The following ABCC10 variants were observed in gnomAD, a reference collection of about 807,000 sequenced individuals.
ABCC10 encodes ATP binding cassette subfamily C member 10, also known as ATP-binding cassette sub-family C member 10.
A neutral mutation model predicts 143.2 loss-of-function variants in ABCC10; 110 were observed. The ratio of observed to expected loss-of-function variants is 0.77; its 90% CI spans 0.66 to 0.90. The LOEUF (loss-of-function observed/expected upper bound fraction) is 0.90. Ranked by LOEUF, ABCC10 falls within the 40% of genes least tolerant of loss-of-function variation. The pLI is 0.00. For missense variants in ABCC10, 1,700 were observed against 1,900.5 expected, an observed-to-expected ratio of 0.89 and a Z score of 1.96; for synonymous variants, 805 against 846.7, an observed-to-expected ratio of 0.95 and a Z score of 0.85.
At chr6:43,445,460 C>T in intron 14 of ABCC10, 139 bp from the exon 15 acceptor site, 1 of 1,344,302 alleles carries the variant, frequency 7.4e-7, no homozygotes, top group Non-Finnish European at 1.0e-6. Context: ...CTCTTCTCTG[C>T]CCCCAAATTC....
downstream of ABCC10, chr6:43,451,215 G>A (rs148487781): frequency 1.1e-4 from 185 of 1,614,182 alleles, no homozygotes; most frequent in Middle Eastern, 1.6e-4. This position sits in a 1 kb window ranked among gnomAD's most constrained non-coding sequence, Gnocchi z 4.4. Flanking sequence ...GCAGCGGCAC[G>A]TGAAGTTGAG....
rs1299614046 is a variant in ABCC10 at position 43,435,849 on chromosome 6, C to T, written c.1707C>T (p.Asp569=). 1.2e-6 allele frequency: 2 copies of T among 1,614,190 alleles called. No individual in the cohort carries two copies. Among genetic ancestry groups the T allele is most frequent in the Non-Finnish European group, 1.7e-6 (2 of 1,180,044 alleles). The change falls in exon 5 of 22, where the codon GAC becomes GAT. Residue 569 remains aspartate, a synonymous_variant. Transcript: ENST00000372530. ...NGLLEAKVSL[D]RIQLFLDLPN... ...TCCTGGAGGCCAAAGTGTCCTTGGA[C>T]CGGATCCAGCTTTTCCTCGACCTTC...
intron 6 of ABCC10, among the ~76,000 whole-genome samples, chr6:43,437,317 T>G (rs544309336): frequency 5.9e-4 from 90 of 151,548 alleles, no homozygotes; most frequent in Admixed American, 2.0e-3. Context: ...CTGGCAGGGT[T>G]GGGGCATCAC....
rs185890824 is a variant in ABCC10 at position 43,444,392 on chromosome 6, T to C, written c.2689+39T>C. 3.9e-6 allele frequency: 6 copies of C among 1,556,748 alleles called. No homozygotes were observed. The African/African-American group carries it at 8.2e-5, about 21-fold the overall frequency. ...TGGGAGTCTCTTACATCGTAACGGC[T>C]GTGCTGTCTAGGTGCCCATTACCTT... On this transcript the variant is annotated intron_variant, in intron 12 of 21. Transcript: ENST00000372530.
chr6:43,431,553 G>A (rs192541603), intron 2 of ABCC10, among the ~76,000 whole-genome samples: 1 of 152,200 alleles, frequency 6.6e-6, no homozygotes, highest in Admixed American at 6.5e-5. Flanking sequence ...TAAAGATGGG[G>A]GTTTCACCAT....
In ABCC10 at chr6:43,445,831, C is replaced by T; in HGVS notation, c.3263C>T (p.Ser1088Phe). The T allele has an allele frequency of 6.2e-7, 1 of 1,614,146 alleles. No individual in the cohort carries two copies. Among genetic ancestry groups the T allele is most frequent in the Non-Finnish European group, 8.5e-7 (1 of 1,180,042 alleles). Residue 1088 changes from serine (S) to phenylalanine (F), a missense_variant, in exon 15 of 22, where the codon TCC (serine) becomes TTC (phenylalanine). Transcript: ENST00000372530. ...YYHVQRHYRA[S>F]SRELRRLGSL... ...CACGTGCAGCGCCACTACAGGGCCT[C>T]CTCACGGGAGCTGCGGCGCCTGGGC...
chr6:43,440,264 C>T (rs113774326), intron 8 of ABCC10, among the ~76,000 whole-genome samples: 2,892 of 152,126 alleles, frequency 0.019, 84 homozygotes, highest in African/African-American at 0.064. Flanking sequence ...GCCCAGCTTT[C>T]GTAGGTTTTT....
intron 14 of ABCC10, 69 bp downstream of exon 14, chr6:43,445,383 C>G: frequency 6.6e-7 from 1 of 1,515,210 alleles, no homozygotes; most frequent in East Asian, 2.4e-5. Flanking sequence ...TCCCAATACT[C>G]GGGCTCCACT....
chr6:43,438,163 A>G, intron 7 of ABCC10, 150 bp downstream of exon 7: 1 of 1,000,214 alleles, frequency 1.0e-6, no homozygotes, highest in Non-Finnish European at 1.5e-6. Flanking sequence ...TCTGGAAAGA[A>G]GGAGGTGGCC....
At chr6:43,444,385 T>G in intron 12 of ABCC10, 32 bp downstream of exon 12, 2 of 1,567,680 alleles carry the variant, frequency 1.3e-6, no homozygotes, top group South Asian at 2.4e-5. Context: ...TCTTACATCG[T>G]AACGGCTGTG....
Position 43,444,503 on chromosome 6 carries a change from CA to C in ABCC10, c.2689+151del, listed in dbSNP as rs1421235772. 2.6e-6 allele frequency: 3 copies of C among 1,151,576 alleles called. No individual in the cohort carries two copies. The African/African-American group carries it at 4.7e-5, about 18-fold the overall frequency. The allele number at this position is 1,151,576 out of a possible 1,614,324, so 71.3% of individuals were successfully genotyped here. ...CATACTCCTAATTCTGAGAGATGCC[CA>C]GGGGCCAGAGGCATGTGCTCTATAG... is the stretch of plus-strand genomic sequence containing the variant. On this transcript the variant is annotated intron_variant, in intron 12 of 21. Coordinates refer to ENST00000372530, the MANE Select transcript of ABCC10 (RefSeq NM_001198934.2).
chr6:43,450,867 G>A (rs372670624), downstream of ABCC10: 57 of 1,614,196 alleles, frequency 3.5e-5, no homozygotes, highest in Non-Finnish European at 4.2e-5. The surrounding 1 kb of genome is among the most constrained non-coding windows in gnomAD (Gnocchi z 4.5). Flanking sequence ...GGCTGGCCCC[G>A]TGGCAGGTAC....
intron 18 of ABCC10, 73 bp from the exon 19 acceptor site, chr6:43,448,808 G>A (rs1783424134): frequency 2.6e-6 from 4 of 1,527,126 alleles, no homozygotes; most frequent in Non-Finnish European, 3.5e-6. Context: ...TGCTAGCCCT[G>A]TAGTCAGAAA....
In ABCC10 at chr6:43,443,854, T is replaced by C; in HGVS notation, c.2417-79T>C. ...CGGGGAGGCCTGAGAGGATGAGAGGTGGGATCTGCACACGCACTGAGAAAG... is the reference window on the plus strand; with the variant it reads ...CGGGGAGGCCTGAGAGGATGAGAGGCGGGATCTGCACACGCACTGAGAAAG... On this transcript the variant is annotated intron_variant, in intron 10 of 21. Coordinates refer to ENST00000372530, the MANE Select transcript of ABCC10 (RefSeq NM_001198934.2). The surrounding 1 kb of genome is among the most constrained non-coding windows in gnomAD (Gnocchi z 4.2). 7.2e-7 allele frequency: 1 copy of C among 1,397,982 alleles called. No homozygotes were observed. Among genetic ancestry groups the C allele is most frequent in the Non-Finnish European group, 1.0e-6 (1 of 984,294 alleles). The allele number at this position is 1,397,982 out of a possible 1,614,324, so 86.6% of individuals were successfully genotyped here. A position where few individuals can be genotyped will look rare whatever the true frequency, so the allele number is the denominator to read the frequency against.
In ABCC10 at chr6:43,447,739, C is replaced by T. The variant is rs1175863328; in HGVS notation, c.3761C>T (p.Ala1254Val). 8 of 1,613,958 alleles carry T rather than the reference C, an allele frequency of 5.0e-6. No individual in the cohort carries two copies. The highest frequency in any genetic ancestry group is 6.8e-6 in the Non-Finnish European group (8 of 1,180,054). The stretch of plus-strand genomic sequence containing the variant: ...GTGGAGTTCCAGGACGTGGTGTTGG[C>T]GTACCGGCCAGGGCTGCCGAATGCC... ...GGVEFQDVVL[A>V]YRPGLPNALD... The change falls in exon 18 of 22, where the codon GCG (alanine) becomes GTG (valine). Residue 1254 changes from alanine (A) to valine (V), a missense_variant. Ala to Val is a moderately conservative substitution (Grantham distance 64). Transcript: ENST00000372530.
intron 1 of ABCC10, 48 bp from the exon 2 acceptor site, chr6:43,427,920 A>G (rs751283491): frequency 3.1e-5 from 50 of 1,602,824 alleles, no homozygotes; most frequent in Non-Finnish European, 4.3e-5. Context: ...AGTGCAGGCA[A>G]AGCCGGCTGT....
downstream of ABCC10, chr6:43,451,085 C>T: frequency 6.2e-7 from 1 of 1,614,278 alleles, no homozygotes; most frequent in Non-Finnish European, 8.5e-7. This position sits in a 1 kb window ranked among gnomAD's most constrained non-coding sequence, Gnocchi z 4.4. Flanking sequence ...CAGCAAAGCC[C>T]TCAGGACAGA....
Position 43,443,804 on chromosome 6 carries a change from G to C in ABCC10, c.2417-129G>C. ...CCTAAGAGTCCTGCTCGAGGTCTAGGGGTATCCTGCTAGGGTGGGTTAGAC... is the reference window on the plus strand; with the variant it reads ...CCTAAGAGTCCTGCTCGAGGTCTAGCGGTATCCTGCTAGGGTGGGTTAGAC... On this transcript the variant is annotated intron_variant, in intron 10 of 21. Coordinates refer to ENST00000372530, the MANE Select transcript of ABCC10 (RefSeq NM_001198934.2). The surrounding 1 kb of genome is among the most constrained non-coding windows in gnomAD (Gnocchi z 4.2). 2 of 932,374 alleles carry C rather than the reference G, an allele frequency of 2.1e-6. No individual in the cohort carries two copies. Among genetic ancestry groups the C allele is most frequent in the East Asian group, 4.9e-5 (2 of 41,226 alleles). The allele number at this position is 932,374 out of a possible 1,614,324, so 57.8% of individuals were successfully genotyped here. A position where few individuals can be genotyped will look rare whatever the true frequency, so the allele number is the denominator to read the frequency against.
chr6:43,450,543 A>C (rs372232104), downstream of ABCC10: 4 of 1,548,530 alleles, frequency 2.6e-6, no homozygotes, highest in African/African-American at 5.4e-5. This position sits in a 1 kb window ranked among gnomAD's most constrained non-coding sequence, Gnocchi z 4.5. Context: ...CCTCCATCAC[A>C]GTGCTGTGGT....
Sources: gnomAD v4.1 joint callset for allele counts (sites outside exome capture counted in the v4.1 genomes callset) on GRCh38, gnomAD v4.1.1 for gene constraint, Gnocchi (gnomAD v3.1) non-coding constraint, MANE v1.5 for transcripts, NCBI Gene and HGNC (gene_info 2026-07-23, HGNC 2026-07-21) for gene names.